Variants in LTN1 observed in about 807,000 individuals in gnomAD.
LTN1 encodes listerin E3 ubiquitin protein ligase 1.
In LTN1, 88 loss-of-function variants were observed where a neutral mutation model predicts 201.2. The ratio of observed to expected loss-of-function variants is 0.44; its 90% CI spans 0.37 to 0.52. The LOEUF (loss-of-function observed/expected upper bound fraction) is 0.52, where lower values mean the gene tolerates loss of function less well. Among genes scored for constraint, LTN1 ranks in the 20% least tolerant of loss-of-function variants. LTN1 has a pLI of 0.00. For missense variants in LTN1, 1,752 were observed against 2,038.7 expected, an observed-to-expected ratio of 0.86 and a Z score of 2.71; for synonymous variants, 645 against 713.5, an observed-to-expected ratio of 0.90 and a Z score of 1.53.
intron 3 of LTN1, 88 bp from the exon 4 acceptor site, chr21:28,985,010 C>A: frequency 4.7e-6 from 4 of 856,300 alleles, no homozygotes; most frequent in East Asian, 2.7e-5. Context: ...TGACCCATTA[C>A]CAAGAATTCA....
At chr21:28,959,433 A>C in intron 13 of LTN1, 25 bp downstream of exon 13, 1 of 1,600,416 alleles carries the variant, frequency 6.2e-7, no homozygotes, top group Non-Finnish European at 8.5e-7. Flanking sequence ...ATTCCCAACA[A>C]AACATTTGAG....
At chr21:28,953,931 G>GTATA (rs1202975156) in intron 16 of LTN1, among the ~76,000 whole-genome samples, 1 of 152,096 alleles carries the variant, frequency 6.6e-6, no homozygotes, top group Non-Finnish European at 1.5e-5. Flanking sequence ...ATAAAGCCTG[G>GTATA]TATATCATAG....
At chr21:28,943,950 A>G in intron 22 of LTN1, 46 bp from the exon 23 acceptor site, 1 of 1,136,252 alleles carries the variant, frequency 8.8e-7, no homozygotes, top group East Asian at 2.3e-5. Flanking sequence ...AAAGAAAGTT[A>G]GTATAGCTTA....
rs2084556665 is a variant in LTN1 at position 28,969,595 on chromosome 21, T to C, written c.1182A>G (p.Ser394=). ...AAGAGCTGGTTTTAGTTCTCTCTGT[T>C]GACAGCCTAAGAAATAATTAATAAC... ...NFLTSLVAGL[S]TERTKTSSLE... The change falls in exon 9 of 30, where the codon TCA becomes TCG. Residue 394 remains serine, a synonymous_variant. Transcript: ENST00000361371. The C allele has an allele frequency of 6.3e-7, 1 of 1,594,594 alleles. No individual in the cohort carries two copies. Among genetic ancestry groups the C allele is most frequent in the Admixed American group, 1.8e-5 (1 of 54,720 alleles).
intron 21 of LTN1, 21 bp from the exon 22 acceptor site, chr21:28,944,617 A>C: frequency 3.2e-6 from 5 of 1,541,458 alleles, no homozygotes; most frequent in Non-Finnish European, 4.5e-6. Flanking sequence ...AATAAAAATG[A>C]AATAGGTAAA....
intron 1 of LTN1, among the ~76,000 whole-genome samples, chr21:28,989,468 A>AT (rs774323305): frequency 2.9e-3 from 423 of 147,214 alleles, no homozygotes; most frequent in Middle Eastern, 7.0e-3. Flanking sequence ...TATGGCACTT[A>AT]TTTTTTTTTT....
At chr21:28,939,446 T>G (rs770601542) in intron 25 of LTN1, among the ~76,000 whole-genome samples, 2 of 152,198 alleles carry the variant, frequency 1.3e-5, no homozygotes, top group African/African-American at 2.4e-5. Context: ...CACATGTACA[T>G]ATACAACTTT....
chr21:28,991,190 G>A (rs2084742458), intron 1 of LTN1, among the ~76,000 whole-genome samples: 1 of 151,142 alleles, frequency 6.6e-6, no homozygotes, highest in Non-Finnish European at 1.5e-5. Flanking sequence ...AGGAGGCTGA[G>A]GTGGGAGGAC....
At chr21:28,981,049 T>TAA in intron 6 of LTN1, 70 bp downstream of exon 6, 1 of 990,044 alleles carries the variant, frequency 1.0e-6, no homozygotes, top group Non-Finnish European at 1.4e-6. Flanking sequence ...ACAATAAACA[T>TAA]AAAACATAAA....
chr21:28,966,609 G>C lies in LTN1; in HGVS notation c.1882C>G (p.Arg628Gly). The C allele has an allele frequency of 6.2e-7, 1 of 1,613,720 alleles. No individual in the cohort carries two copies. The highest frequency in any genetic ancestry group is 2.2e-5 in the East Asian group (1 of 44,878). Residue 628 changes from arginine to glycine, a missense_variant, in exon 10 of 30, where the codon CGA becomes GGA. Arg to Gly is a moderately radical substitution (Grantham distance 125, BLOSUM62 -2). Around this residue, in one of 3 missense-constraint regions of LTN1, gnomAD observed 1,211 missense variants for 1,312.8 expected, o/e 0.92. Transcript: ENST00000361371. ...TCACCAAGTAGCATTTTAAATACTC[G>C]GCTTGAAGAAAAGGAGTCAAGCAGA... ...STLLDSFSSS[R>G]VFKMLLGDEK...
At chr21:28,932,720 A>G in intron 27 of LTN1, 56 bp from the exon 28 acceptor site, 2 of 1,210,680 alleles carry the variant, frequency 1.7e-6, no homozygotes, top group Non-Finnish European at 2.4e-6. Flanking sequence ...CAACCAGAAA[A>G]CATTTTGATA....
intron 9 of LTN1, 105 bp downstream of exon 9, chr21:28,969,361 T>G (rs975380765): frequency 4.1e-6 from 4 of 964,822 alleles, no homozygotes; most frequent in Non-Finnish European, 4.4e-6. Flanking sequence ...AAAAATAAAA[T>G]TTTTACAAGG....
Position 28,930,225 on chromosome 21 carries a change from T to C in LTN1, c.*223A>G, listed in dbSNP as rs185966883. 347 of 379,390 alleles carry C rather than the reference T, an allele frequency of 9.1e-4. 4 individuals are homozygous for C. In the East Asian group the frequency reaches 9.2e-3, roughly 10 times the overall value. 23.5% of individuals were successfully genotyped at this position (379,390 alleles called of 1,614,324 possible). ...TAATAGAAATATTTTCTCTCAAATA[T>C]GTAATATTCTTTTGTAAAAGAAAGT... On this transcript the variant is annotated 3_prime_UTR_variant, in exon 30 of 30. Transcript: ENST00000361371.
chr21:28,980,595 T>A (rs2084650992), intron 6 of LTN1, among the ~76,000 whole-genome samples: 1 of 150,516 alleles, frequency 6.6e-6, no homozygotes. Context: ...GGTTATGTAC[T>A]GGTTATGTCA....
chr21:28,934,435 C>A (rs759021343), intron 27 of LTN1, among the ~76,000 whole-genome samples: 1 of 152,044 alleles, frequency 6.6e-6, no homozygotes, highest in Non-Finnish European at 1.5e-5. Context: ...GGATTTCCCA[C>A]GGGTGCTAGT....
rs2084192788 is a variant in LTN1 at position 28,929,297 on chromosome 21, T to A, written c.*1151A>T. On this transcript the variant is annotated 3_prime_UTR_variant, in exon 30 of 30. Coordinates refer to ENST00000361371, the MANE Select transcript of LTN1 (RefSeq NM_015565.3). Reference sequence around the variant, plus strand: ...AGTAACCTAGATATTAGATATGCTATTTCCATGTAATGGAAGACTGCAATA... The same window carrying A: ...AGTAACCTAGATATTAGATATGCTAATTCCATGTAATGGAAGACTGCAATA... 1 of 152,606 alleles carries A rather than the reference T, an allele frequency of 6.6e-6. No homozygotes were observed. The highest frequency in any genetic ancestry group is 2.1e-4 in the South Asian group (1 of 4,834). 9.5% of individuals were successfully genotyped at this position (152,606 alleles called of 1,614,324 possible). A position where few individuals can be genotyped will look rare whatever the true frequency, so the allele number is the denominator to read the frequency against.
In LTN1 at chr21:28,937,130, A is replaced by G. The variant is rs140957175; in HGVS notation, c.4483-433T>C. The stretch of plus-strand genomic sequence containing the variant: ...GGGGTCTTCTCAGAGTTGTTTTTTC[A>G]ATCAGGAAATTTCACATAAAAATAT... On this transcript the variant is annotated intron_variant, in intron 25 of 29. Coordinates refer to ENST00000361371, the MANE Select transcript of LTN1 (RefSeq NM_015565.3). Among the ~76,000 whole-genome samples the G allele has an allele frequency of 6.5e-3, 989 of 152,342 alleles. 9 individuals are homozygous for G. The highest frequency in any genetic ancestry group is 0.023 in the African/African-American group (957 of 41,580).
At chr21:28,967,980 T>A (rs1335734512) in intron 9 of LTN1, 1 of 152,154 alleles carries the variant, frequency 6.6e-6, no homozygotes, top group Non-Finnish European at 1.5e-5. Context: ...ATTACTATGA[T>A]GTGAGAATAG....
intron 26 of LTN1, 23 bp downstream of exon 26, chr21:28,936,503 A>G (rs372499128): frequency 9.1e-5 from 144 of 1,577,596 alleles, no homozygotes; most frequent in Non-Finnish European, 1.2e-4. Flanking sequence ...CCAAGAAAGA[A>G]CATAAACACA....
Sources: gnomAD v4.1 joint callset for allele counts (sites outside exome capture counted in the v4.1 genomes callset) on GRCh38, gnomAD v4.1.1 for gene constraint, gnomAD v4.1.1 regional missense constraint, MANE v1.5 for transcripts, NCBI Gene and HGNC (gene_info 2026-07-23, HGNC 2026-07-21) for gene names.